ZNF790: variants seen among roughly 807,000 people sequenced by gnomAD.
ZNF790 encodes zinc finger protein 790.
ZNF790 carries 8 observed loss-of-function variants against 12.1 expected under a neutral mutation model. The observed-to-expected ratio is 0.66, with a 90% confidence interval of 0.39 to 1.19. ZNF790 has a LOEUF of 1.19. Ranked by LOEUF, ZNF790 falls within the 50% of genes most tolerant of loss-of-function variation. The pLI is 0.01. For synonymous variants in ZNF790, 252 were observed against 244.3 expected (o/e 1.03, Z -0.29); for missense variants, 707 against 752.2 (o/e 0.94, Z 0.70).
chr19:36,824,994 T>G (rs1211100484), intron 2 of ZNF790, among the ~76,000 whole-genome samples: 1 of 151,818 alleles, frequency 6.6e-6, no homozygotes, highest in Non-Finnish European at 1.5e-5. Context: ...ATCAGCAAAT[T>G]CAGTGTCATA....
chr19:36,825,490 A>G, intron 2 of ZNF790, 121 bp downstream of exon 2: 1 of 1,061,840 alleles, frequency 9.4e-7, no homozygotes. Context: ...ACTGTTTCAC[A>G]GTCATTACTT....
At chr19:36,848,418 C>A (rs1027112561) in intron 1 of ZNF790, among the ~76,000 whole-genome samples, 1 of 152,192 alleles carries the variant, frequency 6.6e-6, no homozygotes. Flanking sequence ...CGGACTACCC[C>A]ACAGGCGTTT....
chr19:36,832,480 C>T (rs527272775), intron 1 of ZNF790, among the ~76,000 whole-genome samples: 5 of 152,158 alleles, frequency 3.3e-5, no homozygotes, highest in South Asian at 4.1e-4. Flanking sequence ...AACCAGTTGA[C>T]GTATCACAGG....
chr19:36,848,869 CT>C (rs2072208372), intron 1 of ZNF790, among the ~76,000 whole-genome samples: 1 of 152,156 alleles, frequency 6.6e-6, no homozygotes, highest in South Asian at 2.1e-4. Flanking sequence ...TCTCAGTTCA[CT>C]GCAACCTCTG....
intron 1 of ZNF790, among the ~76,000 whole-genome samples, chr19:36,848,233 CA>C (rs1364809454): frequency 6.6e-6 from 1 of 152,144 alleles, no homozygotes; most frequent in African/African-American, 2.4e-5. Flanking sequence ...CAGGATAGGG[CA>C]ACCAAACATG....
chr19:36,821,876 C>T (rs777700650), intron 4 of ZNF790, among the ~76,000 whole-genome samples: 3 of 152,144 alleles, frequency 2.0e-5, no homozygotes, highest in East Asian at 1.9e-4. Context: ...CATGAGCCAC[C>T]GCGTCTGGCT....
At position 36,820,505 on chromosome 19, in the gene ZNF790, A is replaced by T. The variant is rs142778667; in HGVS notation, c.230-391T>A. 1.7e-3 allele frequency among the ~76,000 whole-genome samples: 258 copies of T among 152,342 alleles called. 2 individuals carry two copies. The South Asian group carries it at 0.018, about 11-fold the overall frequency. The stretch of plus-strand genomic sequence containing the variant: ...AATAGCAGAATATCAGTCTAATATG[A>T]GGGAAGTAATCTGATCCAGAGTTAC... On this transcript the variant is annotated intron_variant, in intron 4 of 4. Transcript: ENST00000356725.
At chr19:36,826,954 A>G (rs1159237074) in intron 1 of ZNF790, among the ~76,000 whole-genome samples, 1 of 150,644 alleles carries the variant, frequency 6.6e-6, no homozygotes, top group Non-Finnish European at 1.5e-5. Flanking sequence ...AAGGGTAAAC[A>G]ACCTTTATCC....
chr19:36,818,943 T>A lies in ZNF790; in HGVS notation c.1401A>T (p.Arg467=), dbSNP rs769339836. The A allele has an allele frequency of 6.2e-7, 1 of 1,609,908 alleles. No individual in the cohort carries two copies. Among genetic ancestry groups the A allele is most frequent in the South Asian group, 1.1e-5 (1 of 90,958 alleles). Reference sequence around the variant, plus strand: ...TCTCACCAGTATGAATTTTCTGATGTCGATTAAACTCTGAGCCATGAAGAA... The same window carrying A: ...TCTCACCAGTATGAATTTTCTGATGACGATTAAACTCTGAGCCATGAAGAA... The part of the protein sequence containing the change: ...KTFLHGSEFN[R]HQKIHTGERN... Residue 467 remains arginine (R), a synonymous_variant, in exon 5 of 5, where the codon CGA becomes CGT. Transcript: ENST00000356725.
intron 1 of ZNF790, among the ~76,000 whole-genome samples, chr19:36,845,699 C>T (rs1350167344): frequency 6.6e-6 from 1 of 151,960 alleles, no homozygotes; most frequent in African/African-American, 2.4e-5. Context: ...TTTTTAAAAA[C>T]ATGTACAACA....
intron 1 of ZNF790, among the ~76,000 whole-genome samples, chr19:36,828,572 G>C (rs1381645556): frequency 6.6e-6 from 1 of 152,166 alleles, no homozygotes; most frequent in Non-Finnish European, 1.5e-5. Flanking sequence ...AAACTGCTAG[G>C]CTGAAGCGAT....
At chr19:36,848,794 GTT>G (rs1270531989) in intron 1 of ZNF790, among the ~76,000 whole-genome samples, 1 of 42,292 alleles carries the variant, frequency 2.4e-5, no homozygotes, top group South Asian at 5.6e-4. Flanking sequence ...AGGTCCCCTT[GTT>G]TTTTGGGGGT....
At chr19:36,844,557 G>C (rs1490276230) in intron 1 of ZNF790, among the ~76,000 whole-genome samples, 1 of 152,008 alleles carries the variant, frequency 6.6e-6, no homozygotes, top group Non-Finnish European at 1.5e-5. Context: ...AACCCTATTT[G>C]AAGAGACAAT....
At chr19:36,826,744 AAAGT>A (rs2071812636) in intron 1 of ZNF790, among the ~76,000 whole-genome samples, 1 of 150,974 alleles carries the variant, frequency 6.6e-6, no homozygotes, top group African/African-American at 2.4e-5. Context: ...CACAGTCAGA[AAAGT>A]AAGCAGCAAT....
rs1555716979 is a variant in ZNF790 at position 36,836,461 on chromosome 19, A to AC, written c.-74+1875_-74+1876insG. Among the ~76,000 whole-genome samples, 775 of 151,912 alleles carry AC rather than the reference A, an allele frequency of 5.1e-3. 2 individuals are homozygous for AC. The highest frequency in any genetic ancestry group is 7.1e-3 in the South Asian group (34 of 4,818). ...TGCAGCAAGACAAGCCTAAAAAAAA[A>AC]ACACACACACACACCGGCTGGGCGC... On this transcript the variant is annotated intron_variant, in intron 1 of 4. Coordinates refer to ENST00000356725, the MANE Select transcript of ZNF790 (RefSeq NM_206894.4).
intron 1 of ZNF790, among the ~76,000 whole-genome samples, chr19:36,847,427 C>T (rs1257961049): frequency 6.6e-6 from 1 of 152,020 alleles, no homozygotes; most frequent in East Asian, 1.9e-4. Flanking sequence ...ATGTGTTCCC[C>T]AAAATTTATA....
rs779706935 is a variant in ZNF790, at chr19:36,819,405, A to AT, written c.938dup (p.Asn313LysfsTer2). 64 of 1,610,918 alleles carry AT rather than the reference A, an allele frequency of 4.0e-5. No individual in the cohort carries two copies. Among genetic ancestry groups the AT allele is most frequent in the Non-Finnish European group, 5.1e-5 (60 of 1,178,204 alleles). On this transcript the variant is annotated frameshift_variant, in exon 5 of 5. Coordinates refer to ENST00000356725, the MANE Select transcript of ZNF790 (RefSeq NM_206894.4). LOFTEE classifies it low-confidence loss of function (END_TRUNC). ...GCTGACTAAAGGCCTTTCTACATTC[A>AT]TTACATTCATAGGGTTTTTCACCAG...
intron 1 of ZNF790, among the ~76,000 whole-genome samples, chr19:36,835,736 G>A (rs1027161999): frequency 5.9e-5 from 9 of 151,574 alleles, no homozygotes; most frequent in Non-Finnish European, 1.2e-4. Context: ...GGGAGAATTC[G>A]TTTTCTTATG....
chr19:36,833,706 G>A (rs1000394397), intron 1 of ZNF790, among the ~76,000 whole-genome samples: 2 of 152,128 alleles, frequency 1.3e-5, no homozygotes, highest in Non-Finnish European at 2.9e-5. Context: ...GGATGGTCTT[G>A]AATACATGGT....
Sources: allele counts gnomAD v4.1 joint callset (sites outside exome capture counted in the v4.1 genomes callset), GRCh38; gene constraint gnomAD v4.1.1; transcripts MANE v1.5; gene names NCBI Gene and HGNC (gene_info 2026-07-23, HGNC 2026-07-21).